The following CCDC73 variants were observed in gnomAD, a reference collection of about 807,000 sequenced individuals.
The protein encoded by CCDC73 is coiled-coil domain-containing protein 73.
CCDC73 carries 95 observed loss-of-function variants against 116.5 expected under a neutral mutation model. The ratio of observed to expected loss-of-function variants is 0.82; its 90% CI spans 0.69 to 0.97. The LOEUF is 0.97. Ranked by LOEUF, CCDC73 falls within the 50% of genes least tolerant of loss-of-function variation. The pLI is 0.00. For missense variants in CCDC73, 1,066 were observed against 1,206.8 expected, an observed-to-expected ratio of 0.88 and a Z score of 1.73; for synonymous variants, 398 against 401.3, an observed-to-expected ratio of 0.99 and a Z score of 0.10.
chr11:32,651,811 T>C (rs1389959604), intron 12 of CCDC73, among the ~76,000 whole-genome samples: 7 of 152,194 alleles, frequency 4.6e-5, no homozygotes, highest in African/African-American at 1.7e-4. Flanking sequence ...TGGGAGGTAA[T>C]TGTAGTTTTC....
At chr11:32,659,639 T>C (rs974486360) in intron 9 of CCDC73, among the ~76,000 whole-genome samples, 1 of 152,152 alleles carries the variant, frequency 6.6e-6, no homozygotes, top group Non-Finnish European at 1.5e-5. Context: ...TATTTGGTAA[T>C]GAAAAACACA....
intron 1 of CCDC73, among the ~76,000 whole-genome samples, chr11:32,775,682 C>T (rs1366223521): frequency 6.6e-6 from 1 of 151,936 alleles, no homozygotes; most frequent in Non-Finnish European, 1.5e-5. Flanking sequence ...TAGTTAGTGA[C>T]CTCTGCTTCA....
intron 1 of CCDC73, among the ~76,000 whole-genome samples, chr11:32,777,380 TAGGTGTG>T (rs1276129415): frequency 6.6e-6 from 1 of 151,988 alleles, no homozygotes; most frequent in African/African-American, 2.4e-5. Context: ...GCTGGGATTA[TAGGTGTG>T]AGCCACCACA....
chr11:32,786,375 A>C (rs1352302826), intron 1 of CCDC73, among the ~76,000 whole-genome samples: 1 of 80,640 alleles, frequency 1.2e-5, no homozygotes, highest in Non-Finnish European at 2.8e-5. Context: ...ATATATAATA[A>C]ATATATTATT....
chr11:32,816,086 T>C, the CCDC73 span, among the ~76,000 whole-genome samples: 1 of 152,206 alleles, frequency 6.6e-6, no homozygotes, highest in Non-Finnish European at 1.5e-5. Context: ...GTACTGCCAT[T>C]TTCTGAGTTT....
At chr11:32,812,670 C>CAAAA in the CCDC73 span, among the ~76,000 whole-genome samples, 3,067 of 102,966 alleles carry the variant, frequency 0.03, 45 homozygotes, top group Non-Finnish European at 0.046. Context: ...ACTACATCTC[C>CAAAA]AAAAAAAAAA....
At chr11:32,603,193 T>C in intron 17 of CCDC73, 173 bp from the exon 18 acceptor site, 1 of 525,868 alleles carries the variant, frequency 1.9e-6, no homozygotes, top group Non-Finnish European at 3.3e-6. Context: ...TGTAGGCTTA[T>C]GTAGTAGATC....
At chr11:32,668,271 A>T (rs1366081176) in intron 9 of CCDC73, among the ~76,000 whole-genome samples, 1 of 152,172 alleles carries the variant, frequency 6.6e-6, no homozygotes, top group East Asian at 1.9e-4. Flanking sequence ...TCCTTTATGT[A>T]TTTAAATAAT....
chr11:32,726,077 G>A (rs1850027858), intron 2 of CCDC73, among the ~76,000 whole-genome samples: 3 of 152,094 alleles, frequency 2.0e-5, no homozygotes, highest in South Asian at 2.1e-4. Context: ...ACTTCCAGAA[G>A]CAAAAGTAAA....
At chr11:32,684,946 A>G (rs945690878) in intron 6 of CCDC73, among the ~76,000 whole-genome samples, 2 of 152,048 alleles carry the variant, frequency 1.3e-5, no homozygotes, top group African/African-American at 4.8e-5. Context: ...GCGCCAGTGC[A>G]CTCCAGCCTG....
chr11:32,733,307 C>T (rs1450089860), intron 2 of CCDC73, among the ~76,000 whole-genome samples: 2 of 152,194 alleles, frequency 1.3e-5, no homozygotes, highest in Non-Finnish European at 2.9e-5. Flanking sequence ...TAGACTCCCA[C>T]ACAATAATAA....
At chr11:32,705,522 C>T (rs1849848698) in intron 3 of CCDC73, among the ~76,000 whole-genome samples, 1 of 152,206 alleles carries the variant, frequency 6.6e-6, no homozygotes, top group Non-Finnish European at 1.5e-5. Context: ...GGACCCCACG[C>T]TCACTCGCTC....
chr11:32,690,732 C>G (rs1382768105), intron 6 of CCDC73, among the ~76,000 whole-genome samples: 1 of 152,182 alleles, frequency 6.6e-6, no homozygotes, highest in Non-Finnish European at 1.5e-5. Context: ...GCTTCCTATA[C>G]AGCCTGCAGA....
In CCDC73 at chr11:32,614,655, T is replaced by C; in HGVS notation, c.1663A>G (p.Thr555Ala). The change falls in exon 16 of 18, where the codon ACC (threonine) becomes GCC (alanine). Residue 555 changes from threonine (T) to alanine (A), a missense_variant. By Grantham distance (58) the Thr-to-Ala change is moderately conservative (BLOSUM62 0). Transcript: ENST00000335185. ...GTATGGTGAACATCTAATCCTCTGG[T>C]TCTTTCTAGATGTATTTTTTCTGTT... is the stretch of plus-strand genomic sequence containing the variant. The part of the protein sequence containing the change: ...IETEKIHLER[T>A]RGLDVHHTDV... 1.9e-6 allele frequency: 3 copies of C among 1,612,968 alleles called. No homozygotes were observed. The highest frequency in any genetic ancestry group is 2.5e-6 in the Non-Finnish European group (3 of 1,179,356).
intron 2 of CCDC73, among the ~76,000 whole-genome samples, chr11:32,743,090 G>A (rs1850203551): frequency 6.6e-6 from 1 of 152,180 alleles, no homozygotes; most frequent in Admixed American, 6.5e-5. Context: ...CAGGTAGCAT[G>A]ATGCCTCCAG....
chr11:32,804,263 C>T, the CCDC73 span, among the ~76,000 whole-genome samples: 11 of 152,288 alleles, frequency 7.2e-5, no homozygotes, highest in East Asian at 5.8e-4. Context: ...CTCAGCCTCC[C>T]GAGTAGCTGG....
At chr11:32,738,435 T>G (rs1160435481) in intron 2 of CCDC73, among the ~76,000 whole-genome samples, 1 of 152,236 alleles carries the variant, frequency 6.6e-6, no homozygotes, top group Admixed American at 6.5e-5. Flanking sequence ...AGTTTTGATT[T>G]GCATTTCTCT....
chr11:32,625,410 G>A (rs959511221), intron 14 of CCDC73, among the ~76,000 whole-genome samples: 6 of 152,132 alleles, frequency 3.9e-5, no homozygotes, highest in Admixed American at 2.0e-4. Context: ...TTTTGCAATG[G>A]CTGGTACTGG....
At chr11:32,785,168 G>GA (rs1329861817) in intron 1 of CCDC73, among the ~76,000 whole-genome samples, 3 of 150,524 alleles carry the variant, frequency 2.0e-5, no homozygotes, top group Non-Finnish European at 4.4e-5. Context: ...TCCATCTCAG[G>GA]AAAAAAAAAG....
Sources: gnomAD v4.1 joint callset for allele counts (sites outside exome capture counted in the v4.1 genomes callset) on GRCh38, gnomAD v4.1.1 for gene constraint, MANE v1.5 for transcripts, NCBI Gene and HGNC (gene_info 2026-07-23, HGNC 2026-07-21) for gene names.